CNTN4: variants seen among roughly 807,000 people sequenced by gnomAD.
CNTN4 encodes contactin 4, also known as contactin-4.
CNTN4 carries 77 observed loss-of-function variants against 122.5 expected under a neutral mutation model. The ratio of observed to expected loss-of-function variants is 0.63; its 90% CI spans 0.52 to 0.76. CNTN4 has a LOEUF of 0.76. Among genes scored for constraint, CNTN4 ranks in the 30% least tolerant of loss-of-function variants. The pLI is 0.00. For missense variants in CNTN4, 1,256 were observed against 1,259.1 expected (o/e 1.00, Z 0.04); for synonymous variants, 512 against 447.0 (o/e 1.15, Z -1.83).
chr3:2,402,545 T>C (rs577477828), intron 3 of CNTN4, among the ~76,000 whole-genome samples: 4 of 152,250 alleles, frequency 2.6e-5, no homozygotes, highest in African/African-American at 9.6e-5. Context: ...CCTCCATTTA[T>C]CTGTATTAGG....
At chr3:2,580,155 A>C (rs1489774668) in intron 4 of CNTN4, among the ~76,000 whole-genome samples, 1 of 152,148 alleles carries the variant, frequency 6.6e-6, no homozygotes, top group Non-Finnish European at 1.5e-5. Flanking sequence ...TATTAATATC[A>C]GTTAATATCA....
chr3:2,828,431 G>A (rs988813313), intron 7 of CNTN4, among the ~76,000 whole-genome samples: 5 of 152,288 alleles, frequency 3.3e-5, no homozygotes, highest in Middle Eastern at 3.4e-3. Flanking sequence ...GTAGGATCTC[G>A]TCATCTGGTC....
intron 3 of CNTN4, among the ~76,000 whole-genome samples, chr3:2,367,518 G>T (rs2045439161): frequency 6.6e-6 from 1 of 152,008 alleles, no homozygotes; most frequent in Admixed American, 6.6e-5. Context: ...TTTGAGATGA[G>T]TCTTTTTTTT....
chr3:2,228,518 C>T (rs1047369343), intron 2 of CNTN4, among the ~76,000 whole-genome samples: 5 of 152,004 alleles, frequency 3.3e-5, no homozygotes, highest in Admixed American at 1.3e-4. Flanking sequence ...GCAGATCTCT[C>T]TACCTTAGCA....
intron 2 of CNTN4, among the ~76,000 whole-genome samples, chr3:2,150,056 T>C (rs575491000): frequency 5.3e-4 from 80 of 152,054 alleles, no homozygotes; most frequent in Non-Finnish European, 9.3e-4. Flanking sequence ...TTCATATACA[T>C]TTAAAATCTA....
intron 18 of CNTN4, 140 bp downstream of exon 18, chr3:3,037,468 A>G: frequency 8.1e-7 from 1 of 1,235,278 alleles, no homozygotes; most frequent in South Asian, 1.2e-5. Context: ...ATAATGATAG[A>G]AATCAGGCCA....
chr3:2,238,343 A>G (rs2039764390), intron 2 of CNTN4, among the ~76,000 whole-genome samples: 1 of 152,082 alleles, frequency 6.6e-6, no homozygotes, highest in Admixed American at 6.6e-5. Context: ...TGCAACAGCA[A>G]TATATTTTCT....
chr3:2,543,763 A>G (rs1232805389), intron 3 of CNTN4, among the ~76,000 whole-genome samples: 1 of 152,082 alleles, frequency 6.6e-6, no homozygotes, highest in Non-Finnish European at 1.5e-5. Flanking sequence ...TCACAATGAT[A>G]TTTTCTCTAT....
chr3:2,497,163 C>T (rs2151713951), intron 3 of CNTN4, among the ~76,000 whole-genome samples: 1 of 152,302 alleles, frequency 6.6e-6, no homozygotes, highest in South Asian at 2.1e-4. Flanking sequence ...ATTAATTTAA[C>T]TATCACTTCC....
At chr3:2,848,211 C>T (rs978631517) in intron 7 of CNTN4, among the ~76,000 whole-genome samples, 1 of 152,108 alleles carries the variant, frequency 6.6e-6, no homozygotes, top group Admixed American at 6.6e-5. Context: ...TGCAGTCCAG[C>T]CTGGGCAACA....
chr3:2,440,976 C>T (rs1163222763), intron 3 of CNTN4, among the ~76,000 whole-genome samples: 2 of 149,452 alleles, frequency 1.3e-5, no homozygotes, highest in African/African-American at 4.9e-5. Flanking sequence ...TTTCTATATA[C>T]ATATGTGTGT....
At chr3:2,707,655 TTGTTTTGAGGCAGGGTCATGCTC>T (rs1313672672) in intron 4 of CNTN4, among the ~76,000 whole-genome samples, 2 of 151,862 alleles carry the variant, frequency 1.3e-5, no homozygotes, top group Non-Finnish European at 2.9e-5. Context: ...TATTTGTTTT[TTGTTTTGAGGCAGGGTCATGCTC>T]TGTTACCCAG....
chr3:2,403,055 T>C (rs1178800208), intron 3 of CNTN4, among the ~76,000 whole-genome samples: 1 of 152,112 alleles, frequency 6.6e-6, no homozygotes, highest in Non-Finnish European at 1.5e-5. Flanking sequence ...TGAGAATCTG[T>C]CCCATGCCTT....
At chr3:2,133,289 T>G (rs1398161074) in intron 2 of CNTN4, among the ~76,000 whole-genome samples, 1 of 152,228 alleles carries the variant, frequency 6.6e-6, no homozygotes, top group East Asian at 1.9e-4. Context: ...AAGGGCATTT[T>G]CTTAAAGTCT....
At chr3:2,824,638 G>A (rs540056674) in intron 7 of CNTN4, among the ~76,000 whole-genome samples, 1 of 152,230 alleles carries the variant, frequency 6.6e-6, no homozygotes, top group South Asian at 2.1e-4. Context: ...TTCCTTATGT[G>A]AAATTTTTAT....
chr3:2,656,992 G>T (rs557968865), intron 4 of CNTN4, among the ~76,000 whole-genome samples: 12 of 152,296 alleles, frequency 7.9e-5, no homozygotes, highest in Non-Finnish European at 1.3e-4. Context: ...TAAGATTACA[G>T]TGGTGTTTTG....
rs373064717 is a variant in CNTN4, at chr3:2,792,433, G to T, written c.359-27053G>T. 1.8e-4 allele frequency among the ~76,000 whole-genome samples: 28 copies of T among 152,266 alleles called. No homozygotes were observed. The East Asian group carries it at 4.4e-3, about 24-fold the overall frequency. ...TAACATAATTTGCTTGAATATTAAT[G>T]TTGCTCTTAGTTTTGAGTGAGATGT... is the stretch of plus-strand genomic sequence containing the variant. On this transcript the variant is annotated intron_variant, in intron 6 of 24. Transcript: ENST00000418658.
At chr3:2,784,245 G>A (rs1350364067) in intron 6 of CNTN4, among the ~76,000 whole-genome samples, 1 of 152,108 alleles carries the variant, frequency 6.6e-6, no homozygotes, top group African/African-American at 2.4e-5. Context: ...AGAGACAGGT[G>A]GATATTATGG....
At chr3:2,299,445 T>C (rs2042426366) in intron 2 of CNTN4, among the ~76,000 whole-genome samples, 3 of 152,106 alleles carry the variant, frequency 2.0e-5, no homozygotes, top group South Asian at 4.1e-4. Context: ...GTACCTAATA[T>C]GTAATTTTCT....
Sources: allele counts gnomAD v4.1 joint callset (sites outside exome capture counted in the v4.1 genomes callset), GRCh38; gene constraint gnomAD v4.1.1; transcripts MANE v1.5; gene names NCBI Gene and HGNC (gene_info 2026-07-23, HGNC 2026-07-21).